VEPH1: variants seen among roughly 807,000 people sequenced by gnomAD.
VEPH1 encodes the protein ventricular zone-expressed PH domain-containing protein homolog 1.
In VEPH1, 80 loss-of-function variants were observed where a neutral mutation model predicts 85.2. The observed-to-expected ratio is 0.94, with a 90% CI of 0.78 to 1.13. VEPH1 has a LOEUF of 1.13. VEPH1 is among the 50% of genes most tolerant of loss of function. VEPH1 has a pLI of 0.00. For missense variants in VEPH1, 955 were observed against 980.5 expected, an observed-to-expected ratio of 0.97 and a Z score of 0.35; for synonymous variants, 297 against 348.0, an observed-to-expected ratio of 0.85 and a Z score of 1.63.
At chr3:157,461,530 G>T (rs1735873089) in intron 3 of VEPH1, among the ~76,000 whole-genome samples, 1 of 152,148 alleles carries the variant, frequency 6.6e-6, no homozygotes, top group Admixed American at 6.6e-5. Flanking sequence ...GCAAAGCCAG[G>T]ACCACTTACA....
chr3:157,418,679 G>C (rs1732103119), intron 5 of VEPH1, among the ~76,000 whole-genome samples: 1 of 138,422 alleles, frequency 7.2e-6, no homozygotes, highest in Non-Finnish European at 1.6e-5. Flanking sequence ...AAGAAAATCG[G>C]AGAGGACACA....
chr3:157,410,435 A>G (rs56347207), intron 6 of VEPH1, among the ~76,000 whole-genome samples: 270 of 152,144 alleles, frequency 1.8e-3, no homozygotes, highest in African/African-American at 5.9e-3. Flanking sequence ...CCACCTCTCA[A>G]TGTACCTCAG....
Position 157,442,894 on chromosome 3 carries a change from C to G in VEPH1, c.530-14406G>C, listed in dbSNP as rs759525316. 4 of 1,614,148 alleles carry G rather than the reference C, an allele frequency of 2.5e-6. No individual in the cohort carries two copies. The South Asian group carries it at 4.4e-5, about 18-fold the overall frequency. On this transcript the variant is annotated intron_variant, in intron 4 of 13. Coordinates refer to ENST00000362010, the MANE Select transcript of VEPH1 (RefSeq NM_001167912.2). ...GAAGAGATAAGAGAGACCGGAGGAG[C>G]AGAGTCTTGTCACATCCGGGGGAAT...
At chr3:157,339,465 C>A (rs1329351335) in intron 9 of VEPH1, among the ~76,000 whole-genome samples, 1 of 152,178 alleles carries the variant, frequency 6.6e-6, no homozygotes, top group Non-Finnish European at 1.5e-5. Context: ...TGTTCCTCAC[C>A]CTGTGCTGTT....
In VEPH1 at chr3:157,261,115, A is replaced by G; in HGVS notation, c.*19T>C. The stretch of plus-strand genomic sequence containing the variant: ...ACAATGCCTGTGGTGTATAATTGTC[A>G]TGGCTGACTTATAAATCCCTACAGA... On this transcript the variant is annotated 3_prime_UTR_variant, in exon 14 of 14. Transcript: ENST00000362010. 4 of 1,593,434 alleles carry G rather than the reference A, an allele frequency of 2.5e-6. No individual in the cohort carries two copies. Among genetic ancestry groups the G allele is most frequent in the Non-Finnish European group, 3.4e-6 (4 of 1,173,746 alleles).
At chr3:157,439,733 C>T (rs1451982129) in intron 4 of VEPH1, among the ~76,000 whole-genome samples, 1 of 152,136 alleles carries the variant, frequency 6.6e-6, no homozygotes, top group Non-Finnish European at 1.5e-5. Context: ...TTGCAGTAGG[C>T]ACCCTCTTGA....
At chr3:157,281,638 A>G (rs1716141302) in intron 12 of VEPH1, among the ~76,000 whole-genome samples, 1 of 151,922 alleles carries the variant, frequency 6.6e-6, no homozygotes, top group Non-Finnish European at 1.5e-5. Flanking sequence ...CCCTGGTTCA[A>G]GCGATTCTCC....
intron 2 of VEPH1, among the ~76,000 whole-genome samples, chr3:157,486,570 C>A (rs933627208): frequency 4.0e-5 from 6 of 151,614 alleles, no homozygotes; most frequent in African/African-American, 1.5e-4. Flanking sequence ...TTGGTTCTAC[C>A]AGTTACTAGC....
At chr3:157,331,565 C>G (rs529331334) in intron 9 of VEPH1, among the ~76,000 whole-genome samples, 2 of 152,160 alleles carry the variant, frequency 1.3e-5, no homozygotes, top group Non-Finnish European at 2.9e-5. Context: ...GGATTTAACT[C>G]TTCTTCCAAC....
chr3:157,424,011 G>A (rs185884075), intron 5 of VEPH1, among the ~76,000 whole-genome samples: 24 of 152,238 alleles, frequency 1.6e-4, no homozygotes, highest in African/African-American at 5.5e-4. Context: ...GTGCACACAT[G>A]TTGGTTGATA....
intron 2 of VEPH1, among the ~76,000 whole-genome samples, chr3:157,478,752 A>G (rs1737731422): frequency 6.6e-6 from 1 of 152,216 alleles, no homozygotes; most frequent in Non-Finnish European, 1.5e-5. Context: ...CATAAAGATA[A>G]ATTACTTCAC....
At chr3:157,359,422 G>T (rs1330650398) in intron 9 of VEPH1, among the ~76,000 whole-genome samples, 1 of 152,190 alleles carries the variant, frequency 6.6e-6, no homozygotes, top group Non-Finnish European at 1.5e-5. Context: ...TAAGTGGTTG[G>T]TAAACCTGCA....
intron 7 of VEPH1, among the ~76,000 whole-genome samples, chr3:157,380,624 C>A (rs1464990109): frequency 1.3e-5 from 2 of 152,210 alleles, no homozygotes; most frequent in African/African-American, 2.4e-5. Flanking sequence ...CAACTTCCCA[C>A]CCCTCTCCCT....
Position 157,499,252 on chromosome 3 carries a change from GTTTTTTTTT to G in VEPH1, c.-157-3755_-157-3747del, listed in dbSNP as rs72395333. On this transcript the variant is annotated intron_variant, in intron 1 of 13. Coordinates refer to ENST00000362010, the MANE Select transcript of VEPH1 (RefSeq NM_001167912.2). The stretch of plus-strand genomic sequence containing the variant: ...CTGAGGCCCACCTTCTCATTATTTA[GTTTTTTTTT>G]TTTTTTTTGGCAGGTATTTGCTGGC... The G allele has an allele frequency of 1.2e-4, 15 of 128,430 alleles. No homozygotes were observed. The East Asian group carries it at 1.3e-3, about 11-fold the overall frequency. The allele number at this position is 128,430 out of a possible 1,614,324, so 8.0% of individuals were successfully genotyped here.
At chr3:157,429,010 AAT>A (rs1732950044) in intron 4 of VEPH1, among the ~76,000 whole-genome samples, 1 of 152,218 alleles carries the variant, frequency 6.6e-6, no homozygotes, top group South Asian at 2.1e-4. Context: ...TAGTAATGCA[AAT>A]TTAAATCCCC....
At chr3:157,356,238 C>A (rs73156759) in intron 9 of VEPH1, among the ~76,000 whole-genome samples, 34,139 of 151,784 alleles carry the variant, frequency 0.22, 4,694 homozygotes, top group Admixed American at 0.42. Context: ...ACAACAACAA[C>A]AAAAAAACAA....
intron 7 of VEPH1, among the ~76,000 whole-genome samples, chr3:157,369,189 A>AAC (rs1727156781): frequency 7.0e-6 from 1 of 143,118 alleles, no homozygotes; most frequent in Non-Finnish European, 1.5e-5. Context: ...TGAAAAAAAA[A>AAC]AAAAAAAAAA....
In VEPH1 at chr3:157,350,463, G is replaced by T. The variant is rs564619631; in HGVS notation, c.1735+12901C>A. ...GCTTCAAAACACTTGTCTGGGGAAA[G>T]ATGTTATGAATAAGACTTCTAAAGC... On this transcript the variant is annotated intron_variant, in intron 9 of 13. Transcript: ENST00000362010. Among the ~76,000 whole-genome samples, 9 of 152,252 alleles carry T rather than the reference G, an allele frequency of 5.9e-5. No homozygotes were observed. In the South Asian group the frequency reaches 6.2e-4, roughly 11 times the overall value.
At chr3:157,305,786 G>A (rs1719448161) in intron 11 of VEPH1, among the ~76,000 whole-genome samples, 1 of 152,148 alleles carries the variant, frequency 6.6e-6, no homozygotes, top group Non-Finnish European at 1.5e-5. Flanking sequence ...GTGTTAAAAA[G>A]GGTAACTTAT....
Sources: allele counts gnomAD v4.1 joint callset (sites outside exome capture counted in the v4.1 genomes callset), GRCh38; gene constraint gnomAD v4.1.1; transcripts MANE v1.5; gene names NCBI Gene and HGNC (gene_info 2026-07-23, HGNC 2026-07-21).